Variants in CNTNAP5 observed in about 807,000 individuals in gnomAD.
CNTNAP5 encodes contactin-associated protein-like 5.
In CNTNAP5, 72 loss-of-function variants were observed where a neutral mutation model predicts 150.2. That is an observed-to-expected ratio of 0.48 (90% CI 0.40 to 0.58). The LOEUF (loss-of-function observed/expected upper bound fraction) is 0.58, where lower values mean the gene tolerates loss of function less well. Among genes scored for constraint, CNTNAP5 ranks in the 20% least tolerant of loss-of-function variants. The pLI is 0.00. For synonymous variants in CNTNAP5, 672 were observed against 619.8 expected (o/e 1.08, Z -1.25); for missense variants, 1,636 against 1,626.2 (o/e 1.01, Z -0.10).
At chr2:124,324,842 C>G (rs17667754) in intron 3 of CNTNAP5, among the ~76,000 whole-genome samples, 6,841 of 152,204 alleles carry the variant, frequency 0.045, 227 homozygotes, top group Non-Finnish European at 0.071. Context: ...GACAAGCTTT[C>G]ATGAATCTAA....
chr2:124,798,234 G>C lies in CNTNAP5; in HGVS notation c.3131G>C (p.Ser1044Thr), dbSNP rs1347676342. 1.2e-6 allele frequency: 2 copies of C among 1,613,916 alleles called. No individual in the cohort carries two copies. The highest frequency in any genetic ancestry group is 1.6e-4 in the Middle Eastern group (1 of 6,062). The change falls in exon 19 of 24, where the codon AGC (serine) becomes ACC (threonine). Residue 1044 changes from serine to threonine, a missense_variant. Ser to Thr is a moderately conservative substitution (Grantham distance 58, BLOSUM62 1). Transcript: ENST00000682447. ...CCATCCAAGGAAAACATTGCACTTA[G>C]CTTTGTGACAACCCAGGCACCCAGT... The part of the protein sequence containing the change: ...SAPSKENIAL[S>T]FVTTQAPSLL...
chr2:124,203,046 G>GGCAAGTCCCT (rs1405769980), intron 1 of CNTNAP5, among the ~76,000 whole-genome samples: 1 of 152,066 alleles, frequency 6.6e-6, no homozygotes, highest in Non-Finnish European at 1.5e-5. Context: ...TCTGAGACAA[G>GGCAAGTCCCT]GCAAGTCCCT....
At chr2:124,599,389 C>G (rs1436682048) in intron 11 of CNTNAP5, among the ~76,000 whole-genome samples, 2 of 151,708 alleles carry the variant, frequency 1.3e-5, no homozygotes, top group Non-Finnish European at 2.9e-5. Context: ...AATATTGAAC[C>G]TCTCTTGATT....
At chr2:124,071,466 GAA>G (rs925303915) in intron 1 of CNTNAP5, among the ~76,000 whole-genome samples, 1 of 151,416 alleles carries the variant, frequency 6.6e-6, no homozygotes, top group Non-Finnish European at 1.5e-5. Context: ...GACTGACTAA[GAA>G]AAAAAGAGAG....
intron 11 of CNTNAP5, among the ~76,000 whole-genome samples, chr2:124,589,159 AG>A (rs1293019153): frequency 1.3e-5 from 2 of 152,156 alleles, no homozygotes; most frequent in African/African-American, 4.8e-5. Context: ...TGCCCCAAAA[AG>A]TGACCCCATA....
At chr2:124,656,425 G>A (rs1678459106) in intron 13 of CNTNAP5, among the ~76,000 whole-genome samples, 2 of 152,102 alleles carry the variant, frequency 1.3e-5, no homozygotes, top group South Asian at 4.1e-4. Context: ...CAAAAATAAA[G>A]AGATCATCAC....
intron 4 of CNTNAP5, among the ~76,000 whole-genome samples, chr2:124,417,931 C>G (rs1691967709): frequency 6.6e-6 from 1 of 152,154 alleles, no homozygotes; most frequent in Non-Finnish European, 1.5e-5. Flanking sequence ...CTTCTCTGCC[C>G]TGCTTTCCCA....
At chr2:124,208,888 T>C (rs1685932813) in intron 1 of CNTNAP5, among the ~76,000 whole-genome samples, 1 of 152,230 alleles carries the variant, frequency 6.6e-6, no homozygotes, top group South Asian at 2.1e-4. Context: ...CTATCATTAA[T>C]TAAGCATTTT....
intron 13 of CNTNAP5, among the ~76,000 whole-genome samples, chr2:124,729,790 C>T (rs1019337911): frequency 1.3e-5 from 2 of 152,020 alleles, no homozygotes; most frequent in Admixed American, 6.6e-5. Context: ...AGAAATGAGT[C>T]CTAAATCTTA....
chr2:124,072,739 T>A lies in CNTNAP5; in HGVS notation c.82+47007T>A, dbSNP rs547137462. Among the ~76,000 whole-genome samples the A allele has an allele frequency of 2.6e-4, 40 of 152,028 alleles. No homozygotes were observed. In the South Asian group the frequency reaches 7.7e-3, roughly 29 times the overall value. On this transcript the variant is annotated intron_variant, in intron 1 of 23. Transcript: ENST00000682447. ...GACACCAAAAAGTGGATAGTCCATA[T>A]TCATGCATCAGGTGAATCAATATTA...
intron 1 of CNTNAP5, among the ~76,000 whole-genome samples, chr2:124,056,018 T>C (rs908544060): frequency 6.6e-6 from 1 of 152,206 alleles, no homozygotes; most frequent in African/African-American, 2.4e-5. Flanking sequence ...CTCTGCTGGC[T>C]CTTTCCCATT....
intron 13 of CNTNAP5, among the ~76,000 whole-genome samples, chr2:124,737,512 G>T (rs1300225310): frequency 6.6e-6 from 1 of 152,138 alleles, no homozygotes; most frequent in Non-Finnish European, 1.5e-5. Context: ...GCACAGGCTG[G>T]ATTGTGGAAT....
intron 2 of CNTNAP5, among the ~76,000 whole-genome samples, chr2:124,239,691 AACAT>A (rs1686838279): frequency 7.8e-6 from 1 of 127,928 alleles, no homozygotes; most frequent in Non-Finnish European, 1.7e-5. Flanking sequence ...CCATTTCAAC[AACAT>A]TTTTTTTTTT....
At chr2:124,474,982 C>T (rs1693605280) in intron 7 of CNTNAP5, 100 bp downstream of exon 7, 1 of 987,950 alleles carries the variant, frequency 1.0e-6, no homozygotes, top group African/African-American at 1.7e-5. Flanking sequence ...ATGTGTTTAT[C>T]TTATGCTCTG....
chr2:124,093,805 G>A lies in CNTNAP5; in HGVS notation c.82+68073G>A, dbSNP rs116505105. ...ATTTGCATGTCAGCTTGATAGAGGT[G>A]AAAATAAAGAAGCTTATTTCAACTC... On this transcript the variant is annotated intron_variant, in intron 1 of 23. Coordinates refer to ENST00000682447, the MANE Select transcript of CNTNAP5 (RefSeq NM_001367498.1). Among the ~76,000 whole-genome samples the A allele has an allele frequency of 7.6e-3, 1,152 of 152,258 alleles. 17 individuals carry two copies. The highest frequency in any genetic ancestry group is 0.027 in the African/African-American group (1,114 of 41,550).
chr2:124,185,666 C>T (rs1685317436), intron 1 of CNTNAP5, among the ~76,000 whole-genome samples: 1 of 152,126 alleles, frequency 6.6e-6, no homozygotes, highest in Non-Finnish European at 1.5e-5. Flanking sequence ...TAAAGAAGAG[C>T]GTCTGTTTAA....
chr2:124,342,345 C>T (rs1274640614), intron 3 of CNTNAP5, among the ~76,000 whole-genome samples: 1 of 152,136 alleles, frequency 6.6e-6, no homozygotes, highest in Non-Finnish European at 1.5e-5. Flanking sequence ...GTTAATCCTG[C>T]TCTTCTCAGT....
chr2:124,174,302 T>G (rs533705407), intron 1 of CNTNAP5, among the ~76,000 whole-genome samples: 123 of 152,274 alleles, frequency 8.1e-4, no homozygotes, highest in African/African-American at 2.8e-3. Context: ...AAAATACGTG[T>G]TGTAAGGCTA....
chr2:124,858,269 C>T (rs567031940), intron 19 of CNTNAP5, among the ~76,000 whole-genome samples: 1 of 152,304 alleles, frequency 6.6e-6, no homozygotes, highest in East Asian at 1.9e-4. Flanking sequence ...CAAATTGTAC[C>T]TGTTTGCAGA....
Sources: gnomAD v4.1 joint callset for allele counts (sites outside exome capture counted in the v4.1 genomes callset) on GRCh38, gnomAD v4.1.1 for gene constraint, MANE v1.5 for transcripts, NCBI Gene and HGNC (gene_info 2026-07-23, HGNC 2026-07-21) for gene names.